Variants in TLN2 observed in about 807,000 individuals in gnomAD.
TLN2 encodes the protein talin 2.
In TLN2, 118 loss-of-function variants were observed where a neutral mutation model predicts 294.7. The ratio of observed to expected loss-of-function variants is 0.40; its 90% CI spans 0.34 to 0.47. TLN2 has a LOEUF of 0.47. Ranked by LOEUF, TLN2 falls within the 20% of genes least tolerant of loss-of-function variation. The pLI is 0.84. For synonymous variants in TLN2, 1,431 were observed against 1,304.5 expected, an observed-to-expected ratio of 1.10 and a Z score of -2.09; for missense variants, 3,083 against 3,282.2, an observed-to-expected ratio of 0.94 and a Z score of 1.48.
rs968114047 is a variant in TLN2 at position 62,646,867 on chromosome 15, T to C, written c.-36-408T>C. Among the ~76,000 whole-genome samples the C allele has an allele frequency of 1.3e-5, 2 of 152,156 alleles. 1 individual carries two copies. Among genetic ancestry groups the C allele is most frequent in the African/African-American group, 4.8e-5 (2 of 41,432 alleles). On this transcript the variant is annotated intron_variant, in intron 3 of 58. Coordinates refer to ENST00000636159, the MANE Select transcript of TLN2 (RefSeq NM_015059.3). ...CAGGTGCTGAGAGGACCCAGGGAAC[T>C]GAGGCTGTCTTTAGGACCCAGTCAT...
chr15:62,610,562 G>A (rs2047835787), intron 2 of TLN2, among the ~76,000 whole-genome samples: 1 of 152,162 alleles, frequency 6.6e-6, no homozygotes, highest in Non-Finnish European at 1.5e-5. Flanking sequence ...ATGTTTAGGG[G>A]CCATTTTAAA....
chr15:62,741,480 G>T (rs533245566), intron 32 of TLN2, among the ~76,000 whole-genome samples: 80 of 152,254 alleles, frequency 5.3e-4, no homozygotes, highest in African/African-American at 1.9e-3. Context: ...AGCCCAGGGG[G>T]TTCTCGTATC....
intron 11 of TLN2, among the ~76,000 whole-genome samples, chr15:62,679,269 T>C (rs1038301608): frequency 2.0e-5 from 3 of 152,362 alleles, no homozygotes; most frequent in Non-Finnish European, 2.9e-5. Context: ...ATCCCACTTC[T>C]ATGAATATAT....
chr15:62,726,992 A>T, intron 27 of TLN2, 95 bp from the exon 28 acceptor site: 1 of 1,307,664 alleles, frequency 7.6e-7, no homozygotes, highest in Non-Finnish European at 1.1e-6. Context: ...GCTAGGGCTC[A>T]AAGTTTGATC....
intron 54 of TLN2, among the ~76,000 whole-genome samples, chr15:62,821,140 T>G (rs2141207021): frequency 6.6e-6 from 1 of 152,336 alleles, no homozygotes; most frequent in East Asian, 1.9e-4. Context: ...TAGGTATATG[T>G]GAAGAGAAAT....
intron 3 of TLN2, among the ~76,000 whole-genome samples, chr15:62,636,630 G>C (rs1252166879): frequency 6.6e-6 from 1 of 152,104 alleles, no homozygotes; most frequent in Non-Finnish European, 1.5e-5. Flanking sequence ...TTGCCTTTTT[G>C]AGTGATGTGT....
intron 44 of TLN2, among the ~76,000 whole-genome samples, chr15:62,783,551 C>T (rs370526159): frequency 2.6e-5 from 4 of 152,230 alleles, no homozygotes; most frequent in Non-Finnish European, 5.9e-5. Flanking sequence ...CGGGGCCCTG[C>T]GAGGGCTCTG....
chr15:62,835,542 G>A (rs577422003), intron 55 of TLN2, 195 bp from the exon 56 acceptor site: 3 of 618,826 alleles, frequency 4.8e-6, no homozygotes, highest in African/African-American at 3.7e-5. Context: ...AAACCTGCCA[G>A]GATGTGCTGT....
chr15:62,710,433 T>TA (rs1240389669), intron 21 of TLN2, among the ~76,000 whole-genome samples: 2 of 152,218 alleles, frequency 1.3e-5, no homozygotes, highest in Admixed American at 1.3e-4. Context: ...TGTTCTTCTG[T>TA]ATCCTTAAAT....
intron 1 of TLN2, among the ~76,000 whole-genome samples, chr15:62,527,073 G>C (rs2040779235): frequency 6.6e-6 from 1 of 152,188 alleles, no homozygotes; most frequent in Admixed American, 6.5e-5. Context: ...TGCTTGGGAA[G>C]GCCTCCAAGG....
At chr15:62,562,815 G>T (rs1033406200) in intron 1 of TLN2, among the ~76,000 whole-genome samples, 1 of 151,626 alleles carries the variant, frequency 6.6e-6, no homozygotes, top group Non-Finnish European at 1.5e-5. Context: ...CCATTCTTGA[G>T]TTGCTTCATT....
intron 1 of TLN2, among the ~76,000 whole-genome samples, chr15:62,480,042 G>A (rs951975295): frequency 6.6e-6 from 1 of 152,206 alleles, no homozygotes; most frequent in Admixed American, 6.5e-5. Flanking sequence ...GCCTCCTAAT[G>A]AAAAGTCAGC....
intron 11 of TLN2, among the ~76,000 whole-genome samples, chr15:62,677,563 TGA>T (rs1302646877): frequency 6.6e-6 from 1 of 152,162 alleles, no homozygotes; most frequent in Non-Finnish European, 1.5e-5. Context: ...CAGGATAATT[TGA>T]GAGAGAGCAA....
intron 1 of TLN2, among the ~76,000 whole-genome samples, chr15:62,510,065 C>G (rs28593721): frequency 0.014 from 2,137 of 152,274 alleles, 54 homozygotes; most frequent in African/African-American, 0.049. Flanking sequence ...TCCCAGTAGT[C>G]TGTATTCTCT....
chr15:62,692,596 G>A (rs1470544026), intron 12 of TLN2, among the ~76,000 whole-genome samples: 1 of 152,184 alleles, frequency 6.6e-6, no homozygotes, highest in Non-Finnish European at 1.5e-5. Context: ...AGAAGCCCAA[G>A]AACTCAACCA....
At chr15:62,713,282 A>AAAC (rs1555484930) in intron 22 of TLN2, among the ~76,000 whole-genome samples, 1 of 150,946 alleles carries the variant, frequency 6.6e-6, no homozygotes, top group Admixed American at 6.6e-5. Context: ...AAAAAAAAAA[A>AAAC]AAAAAAACAA....
chr15:62,616,077 C>G (rs1343548149), intron 2 of TLN2, among the ~76,000 whole-genome samples: 1 of 152,082 alleles, frequency 6.6e-6, no homozygotes, highest in Non-Finnish European at 1.5e-5. Flanking sequence ...TAAATGGTGT[C>G]TCTTTGGTAC....
At chr15:62,458,104 G>T (rs191578822) in intron 1 of TLN2, among the ~76,000 whole-genome samples, 1 of 152,288 alleles carries the variant, frequency 6.6e-6, no homozygotes, top group African/African-American at 2.4e-5. Context: ...GTTTTTGTAT[G>T]AGTCAACGGT....
At chr15:62,715,972 C>T (rs2059746687) in intron 22 of TLN2, among the ~76,000 whole-genome samples, 1 of 152,178 alleles carries the variant, frequency 6.6e-6, no homozygotes, top group South Asian at 2.1e-4. Flanking sequence ...ATTACTGTGT[C>T]ATGCCAATGA....
Sources: gnomAD v4.1 joint callset for allele counts (sites outside exome capture counted in the v4.1 genomes callset) on GRCh38, gnomAD v4.1.1 for gene constraint, MANE v1.5 for transcripts, NCBI Gene and HGNC (gene_info 2026-07-23, HGNC 2026-07-21) for gene names.